Variants in CENPC observed in about 807,000 individuals in gnomAD.
CENPC encodes the protein centromere protein C.
CENPC carries 63 observed loss-of-function variants against 112.1 expected under a neutral mutation model. The observed-to-expected ratio is 0.56, with a 90% CI of 0.46 to 0.69. The LOEUF (loss-of-function observed/expected upper bound fraction) is 0.69. CENPC is among the 30% of genes least tolerant of loss of function. CENPC has a pLI of 0.00. For missense variants in CENPC, 1,000 were observed against 1,103.8 expected (o/e 0.91, Z 1.33); for synonymous variants, 333 against 367.6 (o/e 0.91, Z 1.08).
At chr4:67,479,563 C>T (rs955520090) in intron 17 of CENPC, among the ~76,000 whole-genome samples, 2 of 152,164 alleles carry the variant, frequency 1.3e-5, no homozygotes, top group African/African-American at 4.8e-5. Flanking sequence ...CTCTAAGATA[C>T]AGCAAAAGCA....
At chr4:67,533,357 A>C (rs1444584283) in intron 4 of CENPC, among the ~76,000 whole-genome samples, 4 of 152,186 alleles carry the variant, frequency 2.6e-5, no homozygotes, top group Non-Finnish European at 5.9e-5. Flanking sequence ...TGGAACTGTA[A>C]GTCAAATTAA....
chr4:67,513,012 C>T (rs1029070311), intron 8 of CENPC, among the ~76,000 whole-genome samples: 2 of 152,052 alleles, frequency 1.3e-5, no homozygotes, highest in African/African-American at 4.8e-5. Context: ...TTGACCCAAT[C>T]TAATTATGTT....
intron 4 of CENPC, among the ~76,000 whole-genome samples, chr4:67,531,813 G>T (rs1204559704): frequency 6.6e-6 from 1 of 152,118 alleles, no homozygotes; most frequent in African/African-American, 2.4e-5. Context: ...ACCCAGCTGT[G>T]TATCCTGGCT....
chr4:67,545,341 A>G lies in CENPC; in HGVS notation c.15T>C (p.Gly5=). The G allele has an allele frequency of 6.6e-7, 1 of 1,521,478 alleles. No individual in the cohort carries two copies. Among genetic ancestry groups the G allele is most frequent in the Non-Finnish European group, 8.8e-7 (1 of 1,130,698 alleles). The allele number at this position is 1,521,478 out of a possible 1,614,324, so 94.2% of individuals were successfully genotyped here. Residue 5 remains glycine, a synonymous_variant, in exon 1 of 19, where the codon GGT becomes GGC. Transcript: ENST00000273853. The part of the protein sequence containing the change: MAAS[G]LDHLKNGYRR... ...GGAGCGGGGGGCCTGCACTTACCAG[A>G]CCGGACGCAGCCATGTTCCGGCCCC...
At chr4:67,489,796 A>G (rs1300647835) in intron 17 of CENPC, among the ~76,000 whole-genome samples, 171 bp downstream of exon 17, 1 of 152,150 alleles carries the variant, frequency 6.6e-6, no homozygotes, top group African/African-American at 2.4e-5. Flanking sequence ...ATATTGTCAA[A>G]TAACTGTTGG....
intron 4 of CENPC, among the ~76,000 whole-genome samples, chr4:67,537,321 T>G (rs1726753158): frequency 6.6e-6 from 1 of 152,194 alleles, no homozygotes; most frequent in Admixed American, 6.5e-5. Flanking sequence ...CAATGAAATA[T>G]ACACGCAATT....
intron 4 of CENPC, among the ~76,000 whole-genome samples, chr4:67,535,023 A>C (rs1314021628): frequency 1.3e-5 from 2 of 152,216 alleles, no homozygotes; most frequent in South Asian, 4.1e-4. Context: ...AGAGGAAAAA[A>C]ATAGTCACAA....
chr4:67,505,202 T>C lies in CENPC; in HGVS notation c.2131+3A>G. The C allele has an allele frequency of 6.4e-7, 1 of 1,558,448 alleles. No individual in the cohort carries two copies. Among genetic ancestry groups the C allele is most frequent in the Non-Finnish European group, 8.7e-7 (1 of 1,149,324 alleles). On this transcript the variant is annotated splice_donor_region_variant and intron_variant, in intron 12 of 18. Transcript: ENST00000273853. ...TCAAGACAGAAAAAAAACAATAGTTTACCTGAACTTCCATGAACTTCCTCA... is the reference window on the plus strand; with the variant it reads ...TCAAGACAGAAAAAAAACAATAGTTCACCTGAACTTCCATGAACTTCCTCA...
intron 13 of CENPC, among the ~76,000 whole-genome samples, 157 bp downstream of exon 13, chr4:67,495,002 T>G (rs1725390774): frequency 6.6e-6 from 1 of 152,220 alleles, no homozygotes; most frequent in Non-Finnish European, 1.5e-5. Flanking sequence ...TGACTTACTA[T>G]GAAATTCATA....
At chr4:67,473,094 T>G (rs1188522118) in intron 18 of CENPC, among the ~76,000 whole-genome samples, 2 of 152,162 alleles carry the variant, frequency 1.3e-5, no homozygotes, top group Admixed American at 6.5e-5. Flanking sequence ...ATTTTTTGTT[T>G]TTGTTTTTTC....
chr4:67,489,304 A>T (rs1577976139), intron 17 of CENPC, among the ~76,000 whole-genome samples: 1 of 151,894 alleles, frequency 6.6e-6, no homozygotes, highest in Non-Finnish European at 1.5e-5. Context: ...AGATAAAGAG[A>T]AAGAAGGAGA....
chr4:67,484,591 G>A (rs1725038006), intron 17 of CENPC, among the ~76,000 whole-genome samples: 1 of 152,306 alleles, frequency 6.6e-6, no homozygotes, highest in South Asian at 2.1e-4. Context: ...TGCTCCTTAT[G>A]AAAATCTAAT....
Position 67,518,422 on chromosome 4 carries a change from A to G in CENPC, c.618-54T>C, listed in dbSNP as rs557165703. 366 of 1,446,004 alleles carry G rather than the reference A, an allele frequency of 2.5e-4. 2 individuals are homozygous for G. The African/African-American group carries it at 4.3e-3, about 17-fold the overall frequency. 89.6% of individuals were successfully genotyped at this position (1,446,004 alleles called of 1,614,324 possible). A position where few individuals can be genotyped will look rare whatever the true frequency, so the allele number is the denominator to read the frequency against. On this transcript the variant is annotated intron_variant, in intron 6 of 18. Transcript: ENST00000273853. Reference sequence around the variant, plus strand: ...ATGCTCCCGTAACGTTTCTTGAGTTATAAGTCTTCCTGAACTCCTTTACAG... The same window carrying G: ...ATGCTCCCGTAACGTTTCTTGAGTTGTAAGTCTTCCTGAACTCCTTTACAG...
At chr4:67,473,746 C>T (rs1286708168) in intron 18 of CENPC, among the ~76,000 whole-genome samples, 1 of 151,948 alleles carries the variant, frequency 6.6e-6, no homozygotes, top group Admixed American at 6.6e-5. Context: ...GACACAGGGT[C>T]TTCCTAGGTT....
chr4:67,506,683 T>A, intron 11 of CENPC, 105 bp downstream of exon 11: 1 of 924,006 alleles, frequency 1.1e-6, no homozygotes, highest in South Asian at 2.7e-5. Context: ...AAACAATAAG[T>A]GTTTTTAAGC....
At position 67,489,950 on chromosome 4, in the gene CENPC, A is replaced by G. The variant is rs928909417; in HGVS notation, c.2670+17T>C. On this transcript the variant is annotated intron_variant, in intron 17 of 18. Coordinates refer to ENST00000273853, the MANE Select transcript of CENPC (RefSeq NM_001812.4). ...TCTACCAAGAGTGAAACATAAATATATAAAAAAAGTACTCACCAATATATC... is the reference window on the plus strand; with the variant it reads ...TCTACCAAGAGTGAAACATAAATATGTAAAAAAAGTACTCACCAATATATC... 3 of 1,503,036 alleles carry G rather than the reference A, an allele frequency of 2.0e-6. No homozygotes were observed. In the African/African-American group the frequency reaches 4.3e-5, roughly 21 times the overall value. The allele number at this position is 1,503,036 out of a possible 1,614,324, so 93.1% of individuals were successfully genotyped here. A position where few individuals can be genotyped will look rare whatever the true frequency, so the allele number is the denominator to read the frequency against.
At chr4:67,516,413 G>C (rs561222240) in intron 7 of CENPC, among the ~76,000 whole-genome samples, 17 of 152,104 alleles carry the variant, frequency 1.1e-4, no homozygotes, top group Admixed American at 1.1e-3. Context: ...AGAAGGCTTA[G>C]TTAGCTATGT....
At chr4:67,473,606 G>A (rs1360666896) in intron 18 of CENPC, among the ~76,000 whole-genome samples, 5 of 151,966 alleles carry the variant, frequency 3.3e-5, no homozygotes, top group African/African-American at 1.2e-4. Context: ...AGGCTGGAGT[G>A]CAGTAGTACA....
At chr4:67,519,705 G>C (rs1726167917) in intron 5 of CENPC, among the ~76,000 whole-genome samples, 1 of 151,932 alleles carries the variant, frequency 6.6e-6, no homozygotes, top group African/African-American at 2.4e-5. Flanking sequence ...TGGTGACCTA[G>C]GGCAGCTAGA....
Sources: gnomAD v4.1 joint callset for allele counts (sites outside exome capture counted in the v4.1 genomes callset) on GRCh38, gnomAD v4.1.1 for gene constraint, MANE v1.5 for transcripts, NCBI Gene and HGNC (gene_info 2026-07-23, HGNC 2026-07-21) for gene names.